The following RPS6KC1 variants were observed in gnomAD, a reference collection of about 807,000 sequenced individuals.
RPS6KC1 encodes ribosomal protein S6 kinase C1.
A neutral mutation model predicts 103.8 loss-of-function variants in RPS6KC1; 54 were observed. The ratio of observed to expected loss-of-function variants is 0.52; its 90% CI spans 0.42 to 0.65. The LOEUF (loss-of-function observed/expected upper bound fraction) is 0.65, where lower values mean the gene tolerates loss of function less well. RPS6KC1 is among the 30% of genes least tolerant of loss of function. The pLI is 0.00. For missense variants in RPS6KC1, 1,151 were observed against 1,253.8 expected, an observed-to-expected ratio of 0.92 and a Z score of 1.24; for synonymous variants, 439 against 438.7, an observed-to-expected ratio of 1.00 and a Z score of -0.01.
intron 8 of RPS6KC1, among the ~76,000 whole-genome samples, chr1:213,223,407 T>G (rs2093883027): frequency 6.6e-6 from 1 of 152,170 alleles, no homozygotes; most frequent in Non-Finnish European, 1.5e-5. Context: ...TATATCACTC[T>G]TACGCCTTTG....
At chr1:213,769,288 T>C in the RPS6KC1 span, among the ~76,000 whole-genome samples, 3 of 152,130 alleles carry the variant, frequency 2.0e-5, no homozygotes, top group Admixed American at 2.0e-4. Flanking sequence ...TGAAAATCAC[T>C]TTGGGAGCTA....
At chr1:213,126,091 C>G (rs1029680344) in intron 5 of RPS6KC1, among the ~76,000 whole-genome samples, 1 of 151,936 alleles carries the variant, frequency 6.6e-6, no homozygotes, top group African/African-American at 2.4e-5. Flanking sequence ...TAAACCAGAA[C>G]TTTTTTCAAC....
the RPS6KC1 span, among the ~76,000 whole-genome samples, chr1:213,643,900 CAATTTTTAA>C: frequency 8.6e-5 from 13 of 151,968 alleles, no homozygotes; most frequent in African/African-American, 3.1e-4. Flanking sequence ...CAGATAGTTG[CAATTTTTAA>C]ACCCATTAAT....
At chr1:213,843,362 C>G in the RPS6KC1 span, 2 of 152,116 alleles carry the variant, frequency 1.3e-5, no homozygotes, top group African/African-American at 2.4e-5. Flanking sequence ...AAACAAAACT[C>G]CAACTGAAGG....
chr1:213,509,787 A>T, the RPS6KC1 span, among the ~76,000 whole-genome samples: 5 of 152,120 alleles, frequency 3.3e-5, no homozygotes, highest in Non-Finnish European at 5.9e-5. Context: ...TATGAAAATA[A>T]TTTTCGTGTG....
the RPS6KC1 span, among the ~76,000 whole-genome samples, chr1:213,696,097 A>G: frequency 2.0e-5 from 3 of 152,300 alleles, no homozygotes; most frequent in South Asian, 2.1e-4. Flanking sequence ...TTTTTCTGCC[A>G]CTCAGAATCA....
the RPS6KC1 span, among the ~76,000 whole-genome samples, chr1:213,693,006 G>A: frequency 6.6e-6 from 1 of 152,242 alleles, no homozygotes; most frequent in African/African-American, 2.4e-5. Flanking sequence ...ACACACCAGA[G>A]TCTCTGCCCT....
chr1:213,436,288 A>G, the RPS6KC1 span, among the ~76,000 whole-genome samples: 1 of 152,224 alleles, frequency 6.6e-6, no homozygotes, highest in Non-Finnish European at 1.5e-5. Context: ...TTCAATAGCT[A>G]TATGTGGTTA....
intron 8 of RPS6KC1, among the ~76,000 whole-genome samples, chr1:213,209,362 C>G (rs908039971): frequency 2.6e-5 from 4 of 152,066 alleles, no homozygotes; most frequent in Non-Finnish European, 5.9e-5. Context: ...GAAAGAATTC[C>G]TGGTGAGTCC....
At chr1:213,470,803 T>G in the RPS6KC1 span, among the ~76,000 whole-genome samples, 2 of 151,970 alleles carry the variant, frequency 1.3e-5, no homozygotes, top group Non-Finnish European at 2.9e-5. Context: ...TTTTAAAGTT[T>G]TTGTAGAGGC....
chr1:213,302,025 T>C, the RPS6KC1 span, among the ~76,000 whole-genome samples: 1 of 152,124 alleles, frequency 6.6e-6, no homozygotes, highest in Non-Finnish European at 1.5e-5. Context: ...CATGAGCCAC[T>C]GTGCCCGGCC....
At chr1:213,290,821 C>T in the RPS6KC1 span, among the ~76,000 whole-genome samples, 1 of 152,174 alleles carries the variant, frequency 6.6e-6, no homozygotes, top group African/African-American at 2.4e-5. Flanking sequence ...CACGAAAACC[C>T]ACTTCTCATT....
chr1:213,484,160 A>G, the RPS6KC1 span, among the ~76,000 whole-genome samples: 1 of 152,214 alleles, frequency 6.6e-6, no homozygotes, highest in Admixed American at 6.5e-5. Context: ...TTTTATCACC[A>G]TCTTCCTAGA....
At chr1:213,764,050 T>G in the RPS6KC1 span, among the ~76,000 whole-genome samples, 1 of 152,216 alleles carries the variant, frequency 6.6e-6, no homozygotes, top group African/African-American at 2.4e-5. Flanking sequence ...AGGCATCAGA[T>G]GGAGTAGTCA....
At chr1:213,751,770 G>T in the RPS6KC1 span, among the ~76,000 whole-genome samples, 23 of 152,314 alleles carry the variant, frequency 1.5e-4, no homozygotes, top group African/African-American at 5.5e-4. Context: ...ATATGAAGTA[G>T]AAATACAAAT....
chr1:213,502,504 A>G, the RPS6KC1 span, among the ~76,000 whole-genome samples: 3 of 152,220 alleles, frequency 2.0e-5, no homozygotes, highest in African/African-American at 7.2e-5. Context: ...ACAGATTATC[A>G]CTTTTTATGT....
chr1:213,074,924 C>A (rs2079186316), intron 2 of RPS6KC1, among the ~76,000 whole-genome samples: 1 of 132,210 alleles, frequency 7.6e-6, no homozygotes, highest in African/African-American at 2.8e-5. Context: ...ATGATCTCAG[C>A]TCACTGCAAA....
the RPS6KC1 span, among the ~76,000 whole-genome samples, chr1:213,597,402 T>C: frequency 6.6e-6 from 1 of 152,130 alleles, no homozygotes; most frequent in South Asian, 2.1e-4. Context: ...AGTGGGGCCA[T>C]GGGCTACATC....
intron 7 of RPS6KC1, among the ~76,000 whole-genome samples, chr1:213,170,876 C>G (rs1558469982): frequency 6.6e-6 from 1 of 152,154 alleles, no homozygotes; most frequent in Non-Finnish European, 1.5e-5. Flanking sequence ...TCAACCAACA[C>G]AATGAGAGGA....
Sources: allele counts gnomAD v4.1 joint callset (sites outside exome capture counted in the v4.1 genomes callset), GRCh38; gene constraint gnomAD v4.1.1; transcripts MANE v1.5; gene names NCBI Gene and HGNC (gene_info 2026-07-23, HGNC 2026-07-21).